RNF216: variants seen among roughly 807,000 people sequenced by gnomAD.
RNF216 encodes the protein ring finger protein 216, also known as E3 ubiquitin-protein ligase RNF216.
A neutral mutation model predicts 110.8 loss-of-function variants in RNF216; 72 were observed. The ratio of observed to expected loss-of-function variants is 0.65; its 90% confidence interval spans 0.54 to 0.79. The LOEUF is 0.79. RNF216 is among the 30% of genes least tolerant of loss of function. The pLI is 0.00. For missense variants in RNF216, 1,342 were observed against 1,141.2 expected (o/e 1.18, Z -2.54); for synonymous variants, 495 against 407.5 (o/e 1.21, Z -2.59).
chr7:5,773,290 T>C (rs1796599105), intron 1 of RNF216, among the ~76,000 whole-genome samples: 1 of 151,960 alleles, frequency 6.6e-6, no homozygotes, highest in South Asian at 2.1e-4. Flanking sequence ...TCACCTGGGC[T>C]GGAGTGCAGT....
rs183773181 is a variant in RNF216 at position 5,758,406 on chromosome 7, T to C, written c.67+2597A>G. Among the ~76,000 whole-genome samples, 10 of 152,310 alleles carry C rather than the reference T, an allele frequency of 6.6e-5. No homozygotes were observed. The East Asian group carries it at 1.9e-3, about 29-fold the overall frequency. ...TTACTCTTGATTTGACCTAATAAAA[T>C]TTGCTCAATTTTAAATGCTCTGAAA... On this transcript the variant is annotated intron_variant, in intron 2 of 16. Coordinates refer to ENST00000389902, the MANE Select transcript of RNF216 (RefSeq NM_207111.4).
intron 1 of RNF216, among the ~76,000 whole-genome samples, chr7:5,769,011 A>G (rs1157314852): frequency 6.6e-6 from 1 of 152,158 alleles, no homozygotes; most frequent in African/African-American, 2.4e-5. Context: ...AATGAAAATT[A>G]GTTAACTATT....
At chr7:5,779,338 G>A (rs2128688117) in intron 1 of RNF216, among the ~76,000 whole-genome samples, 1 of 152,228 alleles carries the variant, frequency 6.6e-6, no homozygotes, top group South Asian at 2.1e-4. Context: ...AGCCTCGAAT[G>A]AGGTTTGCCA....
At chr7:5,678,780 G>A (rs1191688243) in intron 13 of RNF216, among the ~76,000 whole-genome samples, 1 of 152,246 alleles carries the variant, frequency 6.6e-6, no homozygotes, top group Admixed American at 6.5e-5. Context: ...TCCTCACACA[G>A]AAGGTGACGG....
intron 14 of RNF216, among the ~76,000 whole-genome samples, chr7:5,648,640 A>G (rs903664323): frequency 1.3e-5 from 2 of 151,266 alleles, no homozygotes; most frequent in African/African-American, 2.4e-5. Flanking sequence ...AGGCAGGAGA[A>G]CGGTGTGAAC....
At chr7:5,688,220 T>C (rs1408038076) in intron 13 of RNF216, among the ~76,000 whole-genome samples, 4 of 152,196 alleles carry the variant, frequency 2.6e-5, no homozygotes, top group African/African-American at 9.6e-5. Context: ...ATTACTTTTA[T>C]ATTGAGAGAA....
At position 5,750,408 on chromosome 7, in the gene RNF216, C is replaced by A. The variant is rs184389150; in HGVS notation, c.201+2438G>T. On this transcript the variant is annotated intron_variant, in intron 3 of 16. Transcript: ENST00000389902. ...ATGTGCTTTCAAATATGTGGTTAGT[C>A]AGGCAAACTGGTCTTACTGTGATTA... is the stretch of plus-strand genomic sequence containing the variant. Among the ~76,000 whole-genome samples, 11 of 152,314 alleles carry A rather than the reference C, an allele frequency of 7.2e-5. No homozygotes were observed. The East Asian group carries it at 2.1e-3, about 29-fold the overall frequency.
chr7:5,658,877 T>G (rs1788917745), intron 13 of RNF216, among the ~76,000 whole-genome samples: 2 of 152,166 alleles, frequency 1.3e-5, no homozygotes, highest in African/African-American at 4.8e-5. Flanking sequence ...ATTGTACATC[T>G]GCCGCTCTCA....
intron 1 of RNF216, among the ~76,000 whole-genome samples, chr7:5,764,647 CAAA>C (rs5882067): frequency 7.5e-6 from 1 of 132,792 alleles, no homozygotes. Flanking sequence ...GACACCGTCT[CAAA>C]AAAAAAAAAA....
intron 14 of RNF216, among the ~76,000 whole-genome samples, chr7:5,644,468 T>G (rs1380521431): frequency 1.3e-5 from 2 of 152,206 alleles, no homozygotes; most frequent in African/African-American, 2.4e-5. Flanking sequence ...TGTTGGTCAT[T>G]TGTACATCTT....
At chr7:5,758,297 A>G (rs1795753557) in intron 2 of RNF216, among the ~76,000 whole-genome samples, 2 of 152,346 alleles carry the variant, frequency 1.3e-5, no homozygotes, top group African/African-American at 4.8e-5. Flanking sequence ...TACAATCACT[A>G]CCAAGTTAGA....
intron 13 of RNF216, among the ~76,000 whole-genome samples, chr7:5,659,130 A>G (rs377573106): frequency 4.6e-5 from 7 of 152,156 alleles, no homozygotes; most frequent in African/African-American, 1.7e-4. Flanking sequence ...GCAGAATAAG[A>G]TCTGAGTGAC....
At chr7:5,777,147 G>C (rs571290517) in intron 1 of RNF216, among the ~76,000 whole-genome samples, 76 of 151,034 alleles carry the variant, frequency 5.0e-4, no homozygotes, top group African/African-American at 1.8e-3. Flanking sequence ...AGCAGTCTTT[G>C]ACAAGGCATG....
At chr7:5,668,795 C>G (rs1789703724) in intron 13 of RNF216, among the ~76,000 whole-genome samples, 1 of 152,204 alleles carries the variant, frequency 6.6e-6, no homozygotes, top group Non-Finnish European at 1.5e-5. Context: ...GCTTCATGCC[C>G]TTCATTCTCC....
At chr7:5,723,625 C>T (rs191692056) in intron 8 of RNF216, among the ~76,000 whole-genome samples, 2,202 of 150,880 alleles carry the variant, frequency 0.015, 48 homozygotes, top group African/African-American at 0.052. Context: ...CCAGCCTGGG[C>T]GACAGAGCAA....
intron 15 of RNF216, among the ~76,000 whole-genome samples, chr7:5,638,949 CTT>C (rs936178938): frequency 6.6e-6 from 1 of 152,078 alleles, no homozygotes; most frequent in Admixed American, 6.6e-5. Context: ...TTTTTCCCTA[CTT>C]ATAATTTTTT....
chr7:5,736,561 G>C (rs1416814701), intron 5 of RNF216, among the ~76,000 whole-genome samples: 3 of 151,932 alleles, frequency 2.0e-5, no homozygotes, highest in Non-Finnish European at 4.4e-5. Flanking sequence ...GAAGTGAGGA[G>C]CGTCTCTGCC....
intron 13 of RNF216, among the ~76,000 whole-genome samples, chr7:5,689,384 G>C (rs852264): frequency 0.015 from 2,115 of 142,154 alleles, 32 homozygotes; most frequent in South Asian, 0.037. Flanking sequence ...AAAAAAGAAA[G>C]AAGAAGAAAA....
At chr7:5,736,452 C>T (rs35221048) in intron 5 of RNF216, among the ~76,000 whole-genome samples, 2 of 152,158 alleles carry the variant, frequency 1.3e-5, no homozygotes, top group Non-Finnish European at 1.5e-5. Context: ...AGTGCAGTGG[C>T]GCGATCTCGG....
Sources: gnomAD v4.1 joint callset for allele counts (sites outside exome capture counted in the v4.1 genomes callset) on GRCh38, gnomAD v4.1.1 for gene constraint, MANE v1.5 for transcripts, NCBI Gene and HGNC (gene_info 2026-07-23, HGNC 2026-07-21) for gene names.